The following SUSD6 variants were observed in gnomAD, a reference collection of about 807,000 sequenced individuals.
The protein encoded by SUSD6 is sushi domain-containing protein 6.
A neutral mutation model predicts 28.4 loss-of-function variants in SUSD6; 16 were observed. The observed-to-expected ratio is 0.56, with a 90% CI of 0.38 to 0.86. SUSD6 has a LOEUF of 0.86. SUSD6 is among the 40% of genes least tolerant of loss of function. The pLI is 0.00. For missense variants in SUSD6, 341 were observed against 384.2 expected, an observed-to-expected ratio of 0.89 and a Z score of 0.94; for synonymous variants, 147 against 159.6, an observed-to-expected ratio of 0.92 and a Z score of 0.59.
chr14:69,686,483 C>T (rs1354463960), intron 2 of SUSD6, among the ~76,000 whole-genome samples: 3 of 152,144 alleles, frequency 2.0e-5, no homozygotes, highest in Admixed American at 2.0e-4. Context: ...CGTGAGTATA[C>T]ATTATATTTT....
intron 2 of SUSD6, among the ~76,000 whole-genome samples, chr14:69,695,874 G>C (rs556525038): frequency 6.6e-6 from 1 of 152,344 alleles, no homozygotes; most frequent in Admixed American, 6.5e-5. Context: ...GGCTTCAGAA[G>C]AAACCTTTTG....
chr14:69,642,468 T>G (rs564590929), intron 1 of SUSD6, among the ~76,000 whole-genome samples: 4 of 152,156 alleles, frequency 2.6e-5, no homozygotes, highest in Admixed American at 6.5e-5. Flanking sequence ...TCCACATGGC[T>G]GGGGAGGCCT....
chr14:69,618,347 C>T (rs775820449), intron 1 of SUSD6, among the ~76,000 whole-genome samples: 2 of 152,152 alleles, frequency 1.3e-5, no homozygotes, highest in African/African-American at 2.4e-5. Context: ...TACAAATATT[C>T]GAAAATCTAA....
intron 1 of SUSD6, among the ~76,000 whole-genome samples, chr14:69,618,652 A>T (rs945303637): frequency 2.0e-5 from 3 of 152,234 alleles, no homozygotes; most frequent in Non-Finnish European, 4.4e-5. Context: ...AGCCAAGGCC[A>T]AGGATCAGTT....
chr14:69,685,935 C>T (rs528572178), intron 2 of SUSD6, among the ~76,000 whole-genome samples: 47 of 152,354 alleles, frequency 3.1e-4, no homozygotes, highest in South Asian at 6.2e-4. Flanking sequence ...GTGTGGCTGC[C>T]TGCCAGTCAG....
Position 69,708,690 on chromosome 14 carries a change from G to T in SUSD6, c.472G>T (p.Val158Leu), listed in dbSNP as rs752586236. The T allele has an allele frequency of 7.6e-6, 12 of 1,579,574 alleles. No homozygotes were observed. In the South Asian group the frequency reaches 9.2e-5, roughly 12 times the overall value. The change falls in exon 5 of 6, where the codon GTA becomes TTA. Residue 158 changes from valine (V) to leucine (L), a missense_variant. By Grantham distance (32) the Val-to-Leu change is conservative (BLOSUM62 1). Coordinates refer to ENST00000342745, the MANE Select transcript of SUSD6 (RefSeq NM_014734.4). The stretch of plus-strand genomic sequence containing the variant: ...CCTCCACTCCAGGCGTGACCAGGGG[G>T]TATCTGGGGACCAGGTCTCCATCAT... ...SFHHSRRDQG[V>L]SGDQVSIMVD...
intron 1 of SUSD6, among the ~76,000 whole-genome samples, chr14:69,624,274 G>A (rs747955665): frequency 6.6e-5 from 10 of 152,208 alleles, no homozygotes; most frequent in Admixed American, 6.5e-4. Context: ...GAGGTGTATA[G>A]TAGGCTATGC....
chr14:69,703,286 AT>A, intron 2 of SUSD6, 108 bp from the exon 3 acceptor site: 1 of 869,298 alleles, frequency 1.2e-6, no homozygotes, highest in South Asian at 1.6e-5. Flanking sequence ...GGAAAGGGTT[AT>A]TTCCTCCTCC....
intron 2 of SUSD6, among the ~76,000 whole-genome samples, chr14:69,661,663 C>G (rs1174924820): frequency 6.6e-6 from 1 of 152,172 alleles, no homozygotes; most frequent in Non-Finnish European, 1.5e-5. Flanking sequence ...AAACCCAAAG[C>G]ACACCTGTAT....
At chr14:69,635,039 G>T (rs1444716527) in intron 1 of SUSD6, among the ~76,000 whole-genome samples, 1 of 152,188 alleles carries the variant, frequency 6.6e-6, no homozygotes, top group Non-Finnish European at 1.5e-5. Flanking sequence ...GTTTGGTAAT[G>T]AATTAAGTCC....
chr14:69,696,513 A>AG (rs1032795409), intron 2 of SUSD6, among the ~76,000 whole-genome samples: 137 of 152,382 alleles, frequency 9.0e-4, no homozygotes, highest in African/African-American at 3.2e-3. Flanking sequence ...TATATAAGAA[A>AG]GGGTTTTGAG....
At chr14:69,698,982 C>G (rs1886273905) in intron 2 of SUSD6, among the ~76,000 whole-genome samples, 3 of 152,168 alleles carry the variant, frequency 2.0e-5, no homozygotes, top group Non-Finnish European at 4.4e-5. Context: ...TTCTGCGAAC[C>G]TGGAATTGTC....
At chr14:69,627,605 C>T (rs1885132801) in intron 1 of SUSD6, among the ~76,000 whole-genome samples, 14 of 152,108 alleles carry the variant, frequency 9.2e-5, no homozygotes, top group Admixed American at 9.2e-4. Context: ...GCTGAGATTA[C>T]AGGCGCCCAC....
At chr14:69,646,658 T>C in intron 1 of SUSD6, among the ~76,000 whole-genome samples, 1 of 151,956 alleles carries the variant, frequency 6.6e-6, no homozygotes, top group East Asian at 1.9e-4. Context: ...CTACCATTTA[T>C]GCAGTTACTT....
At chr14:69,672,239 T>G (rs1293370942) in intron 2 of SUSD6, among the ~76,000 whole-genome samples, 4 of 152,176 alleles carry the variant, frequency 2.6e-5, no homozygotes, top group African/African-American at 9.7e-5. Flanking sequence ...AATCTAAAGC[T>G]TGGACTTCTA....
At chr14:69,634,864 G>A (rs1885241738) in intron 1 of SUSD6, among the ~76,000 whole-genome samples, 1 of 152,184 alleles carries the variant, frequency 6.6e-6, no homozygotes, top group African/African-American at 2.4e-5. Flanking sequence ...ACAGAATCCT[G>A]AGCCTTTGAA....
chr14:69,633,804 C>G (rs951472242), intron 1 of SUSD6, among the ~76,000 whole-genome samples: 3 of 152,136 alleles, frequency 2.0e-5, no homozygotes, highest in Non-Finnish European at 4.4e-5. Flanking sequence ...ATTGTGCCTT[C>G]TTTGCATTTT....
chr14:69,693,085 C>A (rs920386602), intron 2 of SUSD6, among the ~76,000 whole-genome samples: 2 of 152,216 alleles, frequency 1.3e-5, no homozygotes, highest in Non-Finnish European at 2.9e-5. Context: ...TAGCCTGGCT[C>A]CCTACCTCCA....
intron 2 of SUSD6, among the ~76,000 whole-genome samples, chr14:69,692,042 A>G (rs1886161594): frequency 6.6e-6 from 1 of 151,496 alleles, no homozygotes; most frequent in African/African-American, 2.4e-5. Context: ...CCGTCTCAAA[A>G]AAAAAAAAAA....
Sources: gnomAD v4.1 joint callset for allele counts (sites outside exome capture counted in the v4.1 genomes callset) on GRCh38, gnomAD v4.1.1 for gene constraint, MANE v1.5 for transcripts, NCBI Gene and HGNC (gene_info 2026-07-23, HGNC 2026-07-21) for gene names.